Variants in JAZF1 observed in about 807,000 individuals in gnomAD.
JAZF1 encodes juxtaposed with another zinc finger protein 1.
Under a neutral mutation model 26.4 loss-of-function variants are expected in JAZF1, and 8 were observed. The observed-to-expected ratio is 0.30, with a 90% confidence interval of 0.18 to 0.55. The LOEUF (loss-of-function observed/expected upper bound fraction) is 0.55. Ranked by LOEUF, JAZF1 falls within the 20% of genes least tolerant of loss-of-function variation. The pLI is 0.94. For missense variants in JAZF1, 199 were observed against 322.0 expected, an observed-to-expected ratio of 0.62 and a Z score of 2.92; for synonymous variants, 126 against 122.3, an observed-to-expected ratio of 1.03 and a Z score of -0.20.
intron 3 of JAZF1, among the ~76,000 whole-genome samples, chr7:27,877,846 G>A (rs1436982254): frequency 2.0e-5 from 3 of 152,192 alleles, no homozygotes; most frequent in South Asian, 2.1e-4. Context: ...TCATCAGGGT[G>A]TGGCACCTTC....
intron 1 of JAZF1, among the ~76,000 whole-genome samples, chr7:28,107,877 T>C (rs967270675): frequency 2.6e-5 from 4 of 152,090 alleles, no homozygotes; most frequent in African/African-American, 9.7e-5. Flanking sequence ...AAAACCAAAA[T>C]AAATGGTGGC....
rs374359470 is a variant in JAZF1, at chr7:28,042,347, A to C, written c.116-50366T>G. 3.7e-4 allele frequency among the ~76,000 whole-genome samples: 57 copies of C among 152,230 alleles called. No individual in the cohort carries two copies. The South Asian group carries it at 0.011, about 29-fold the overall frequency. On this transcript the variant is annotated intron_variant, in intron 1 of 4. Coordinates refer to ENST00000283928, the MANE Select transcript of JAZF1 (RefSeq NM_175061.4). ...AGAGTGGGACAATTGCCCTGAAGGA[A>C]ATGGAGAAGCACAGAAGAATTCTGA...
intron 1 of JAZF1, 37 bp downstream of exon 1, chr7:28,180,426 C>T: frequency 6.4e-7 from 1 of 1,552,986 alleles, no homozygotes; most frequent in Non-Finnish European, 8.8e-7. Flanking sequence ...GGAGTTTCCG[C>T]GCGCCTGGCA....
intron 1 of JAZF1, among the ~76,000 whole-genome samples, chr7:28,136,194 T>C (rs1438746957): frequency 2.0e-5 from 3 of 152,180 alleles, no homozygotes; most frequent in Non-Finnish European, 4.4e-5. Flanking sequence ...ATTTATTATC[T>C]CAAATAACTC....
intron 2 of JAZF1, among the ~76,000 whole-genome samples, chr7:27,949,392 C>T (rs190417861): frequency 8.7e-4 from 132 of 152,292 alleles, no homozygotes; most frequent in Non-Finnish European, 1.7e-3. Context: ...ACACTGTCAG[C>T]CTTTAGAGTG....
At chr7:28,007,609 T>C (rs935534206) in intron 1 of JAZF1, among the ~76,000 whole-genome samples, 2 of 152,118 alleles carry the variant, frequency 1.3e-5, no homozygotes, top group African/African-American at 4.8e-5. Flanking sequence ...AGGTTGCTCT[T>C]GGGGCTGGCA....
At position 27,830,877 on chromosome 7, in the gene JAZF1, T is replaced by C. The variant is rs1038547820; in HGVS notation, c.*1923A>G. 7.0e-5 allele frequency: 15 copies of C among 214,024 alleles called. No individual in the cohort carries two copies. The highest frequency in any genetic ancestry group is 1.7e-4 in the Admixed American group (3 of 17,174). The allele number at this position is 214,024 out of a possible 1,614,324, so 13.3% of individuals were successfully genotyped here. ...AAATTGGAATTTATCTTTGAAAGCA[T>C]TGAAAGAAATTTAACATGCACAATG... On this transcript the variant is annotated 3_prime_UTR_variant, in exon 5 of 5. Transcript: ENST00000283928.
chr7:27,912,769 A>T lies in JAZF1; in HGVS notation c.189-17353T>A, dbSNP rs1256259966. On this transcript the variant is annotated intron_variant, in intron 2 of 4. Transcript: ENST00000283928. ...CCCAGAGCATGTGGCCCTACAATGC[A>T]GAATTTGGAAAAGAGGAATTCTGGG... is the stretch of plus-strand genomic sequence containing the variant. Among the ~76,000 whole-genome samples the T allele has an allele frequency of 2.0e-5, 3 of 152,166 alleles. No individual in the cohort carries two copies. In the East Asian group the frequency reaches 5.8e-4, roughly 29 times the overall value.
Position 28,128,969 on chromosome 7 carries a change from T to A in JAZF1, c.115+51494A>T, listed in dbSNP as rs556268829. Among the ~76,000 whole-genome samples the A allele has an allele frequency of 4.1e-4, 63 of 152,268 alleles. 1 individual carries two copies. Among genetic ancestry groups the A allele is most frequent in the African/African-American group, 1.4e-3 (58 of 41,550 alleles). ...GAAGTAAAAAGAAAAAAGTGAGTTA[T>A]CCTTTAGGAAACTTAAGTTTGGGGT... On this transcript the variant is annotated intron_variant, in intron 1 of 4. Coordinates refer to ENST00000283928, the MANE Select transcript of JAZF1 (RefSeq NM_175061.4).
chr7:28,082,480 A>G (rs1372379756), intron 1 of JAZF1, among the ~76,000 whole-genome samples: 1 of 151,894 alleles, frequency 6.6e-6, no homozygotes, highest in African/African-American at 2.4e-5. Context: ...CTCATACCAC[A>G]CGGTCTTTCC....
chr7:27,947,097 A>C (rs773564443), intron 2 of JAZF1, among the ~76,000 whole-genome samples: 2 of 152,208 alleles, frequency 1.3e-5, no homozygotes, highest in Non-Finnish European at 2.9e-5. Flanking sequence ...TTTTCCTCTC[A>C]CAAAGCAATT....
At chr7:28,058,186 G>A (rs189899989) in intron 1 of JAZF1, among the ~76,000 whole-genome samples, 160 of 152,270 alleles carry the variant, frequency 1.1e-3, no homozygotes, top group African/African-American at 3.6e-3. Context: ...GGAGCAGAAG[G>A]ACCAGTCAGA....
chr7:27,834,355 T>A (rs1463957225), intron 4 of JAZF1, among the ~76,000 whole-genome samples: 3 of 152,200 alleles, frequency 2.0e-5, no homozygotes, highest in African/African-American at 7.2e-5. Context: ...AATGCTTTTT[T>A]AAAAGTCCTT....
chr7:28,100,012 A>G (rs1201012712), intron 1 of JAZF1, among the ~76,000 whole-genome samples: 2 of 152,176 alleles, frequency 1.3e-5, no homozygotes, highest in East Asian at 1.9e-4. Flanking sequence ...ATATATACCC[A>G]AGTACTTAAA....
At position 28,080,365 on chromosome 7, in the gene JAZF1, C is replaced by T. The variant is rs117826855; in HGVS notation, c.116-88384G>A. On this transcript the variant is annotated intron_variant, in intron 1 of 4. Coordinates refer to ENST00000283928, the MANE Select transcript of JAZF1 (RefSeq NM_175061.4). Reference sequence around the variant, plus strand: ...CAGAACACTCAGACTTTCTCCCTATCAGCAATAAAGCTGTTCTGCTTTCTT... The same window carrying T: ...CAGAACACTCAGACTTTCTCCCTATTAGCAATAAAGCTGTTCTGCTTTCTT... Among the ~76,000 whole-genome samples the T allele has an allele frequency of 7.5e-3, 1,149 of 152,342 alleles. 5 individuals carry two copies. Among genetic ancestry groups the T allele is most frequent in the Middle Eastern group, 0.034 (10 of 294 alleles).
intron 1 of JAZF1, among the ~76,000 whole-genome samples, chr7:28,013,590 G>A (rs770088791): frequency 9.2e-5 from 14 of 152,064 alleles, no homozygotes; most frequent in East Asian, 1.9e-4. Flanking sequence ...TCAGAACCAC[G>A]CTTCTAGAAC....
rs137857071 is a variant in JAZF1 at position 28,149,592 on chromosome 7, T to G, written c.115+30871A>C. ...TCAGAAATAGGGAGGTGCATCCAGTTGGTAAAAGCACAGAAATAAAGAGGC... is the reference window on the plus strand; with the variant it reads ...TCAGAAATAGGGAGGTGCATCCAGTGGGTAAAAGCACAGAAATAAAGAGGC... On this transcript the variant is annotated intron_variant, in intron 1 of 4. Transcript: ENST00000283928. Among the ~76,000 whole-genome samples the G allele has an allele frequency of 5.8e-4, 89 of 152,186 alleles. 2 individuals carry two copies. In the East Asian group the frequency reaches 0.017, roughly 29 times the overall value.
chr7:28,158,409 G>A (rs980339403), intron 1 of JAZF1, among the ~76,000 whole-genome samples: 7 of 152,192 alleles, frequency 4.6e-5, no homozygotes, highest in Non-Finnish European at 8.8e-5. Context: ...GAGTGCTAAC[G>A]AAAGGGGAAG....
At chr7:27,896,478 T>C (rs1394553322) in intron 2 of JAZF1, among the ~76,000 whole-genome samples, 1 of 152,162 alleles carries the variant, frequency 6.6e-6, no homozygotes, top group African/African-American at 2.4e-5. Context: ...AAACAGAACA[T>C]TCCATGCCCC....
Sources: allele counts gnomAD v4.1 joint callset (sites outside exome capture counted in the v4.1 genomes callset), GRCh38; gene constraint gnomAD v4.1.1; transcripts MANE v1.5; gene names NCBI Gene and HGNC (gene_info 2026-07-23, HGNC 2026-07-21).